The following KLHL1 variants were observed in gnomAD, a reference collection of about 807,000 sequenced individuals.
KLHL1 encodes the protein kelch like family member 1.
Under a neutral mutation model 77.7 loss-of-function variants are expected in KLHL1, and 47 were observed. The ratio of observed to expected loss-of-function variants is 0.60; its 90% CI spans 0.48 to 0.77. The LOEUF is 0.77. Among genes scored for constraint, KLHL1 ranks in the 30% least tolerant of loss-of-function variants. The probability of loss-of-function intolerance (pLI) is 0.00; values close to 1 mark genes in which losing one functional copy is unlikely to be tolerated. For missense variants in KLHL1, 925 were observed against 910.8 expected (o/e 1.02, Z -0.20); for synonymous variants, 360 against 325.2 (o/e 1.11, Z -1.15).
chr13:69,943,181 A>AT (rs1883416463), intron 3 of KLHL1, among the ~76,000 whole-genome samples: 2 of 151,956 alleles, frequency 1.3e-5, no homozygotes, highest in South Asian at 4.1e-4. Flanking sequence ...AGTGTGTCCC[A>AT]TTTTTGGTGG....
chr13:69,919,213 A>C (rs1882549817), intron 4 of KLHL1, among the ~76,000 whole-genome samples: 1 of 152,200 alleles, frequency 6.6e-6, no homozygotes, highest in Admixed American at 6.5e-5. Flanking sequence ...TATACTGAGA[A>C]GAACATTCTT....
intron 1 of KLHL1, among the ~76,000 whole-genome samples, chr13:70,037,988 A>G (rs1040193430): frequency 7.9e-5 from 12 of 152,250 alleles, no homozygotes; most frequent in East Asian, 7.7e-4. Context: ...ATTTTTCTGT[A>G]CTTTCATTCC....
chr13:69,973,594 A>T, intron 2 of KLHL1, among the ~76,000 whole-genome samples: 1 of 151,864 alleles, frequency 6.6e-6, no homozygotes, highest in East Asian at 1.9e-4. Flanking sequence ...AAAATGTATT[A>T]GTTTATTACT....
intron 3 of KLHL1, among the ~76,000 whole-genome samples, chr13:69,947,483 C>A (rs957188150): frequency 6.6e-6 from 1 of 151,670 alleles, no homozygotes; most frequent in Non-Finnish European, 1.5e-5. Context: ...AGTCTAAATT[C>A]AAACCCTTGA....
intron 1 of KLHL1, among the ~76,000 whole-genome samples, chr13:70,098,876 C>T (rs2054700176): frequency 1.3e-5 from 2 of 151,758 alleles, no homozygotes; most frequent in South Asian, 4.2e-4. Context: ...TGTGAATAAA[C>T]AACCACTAGA....
At chr13:69,844,662 A>C (rs535234162) in intron 5 of KLHL1, among the ~76,000 whole-genome samples, 1 of 151,630 alleles carries the variant, frequency 6.6e-6, no homozygotes, top group Non-Finnish European at 1.5e-5. Context: ...ATTTGATCAT[A>C]ATTTTATTAT....
intron 7 of KLHL1, among the ~76,000 whole-genome samples, chr13:69,771,187 C>T (rs1258289375): frequency 6.6e-6 from 1 of 151,832 alleles, no homozygotes; most frequent in Non-Finnish European, 1.5e-5. Flanking sequence ...GAGTTTACTA[C>T]CTCTTCCATG....
intron 6 of KLHL1, among the ~76,000 whole-genome samples, chr13:69,809,875 G>GAA (rs57005049): frequency 1.4e-5 from 2 of 141,274 alleles, no homozygotes; most frequent in Non-Finnish European, 3.1e-5. Flanking sequence ...TATGCAAATG[G>GAA]AAAAAAAAAA....
chr13:70,055,859 C>T (rs937224418), intron 1 of KLHL1, among the ~76,000 whole-genome samples: 1 of 151,702 alleles, frequency 6.6e-6, no homozygotes, highest in African/African-American at 2.4e-5. Context: ...AATCATACTA[C>T]CAGATAAAAA....
chr13:69,745,855 T>C (rs1226443468), intron 7 of KLHL1, among the ~76,000 whole-genome samples: 3 of 151,756 alleles, frequency 2.0e-5, no homozygotes, highest in Non-Finnish European at 4.4e-5. Context: ...TTCTGAATTT[T>C]CCCCCAATAT....
chr13:69,865,652 C>A (rs1274022508), intron 5 of KLHL1, among the ~76,000 whole-genome samples: 1 of 151,874 alleles, frequency 6.6e-6, no homozygotes, highest in Non-Finnish European at 1.5e-5. Context: ...AATATCGTAC[C>A]CAGAAAGTGG....
At chr13:69,800,000 A>C (rs1877304416) in intron 6 of KLHL1, among the ~76,000 whole-genome samples, 2 of 152,152 alleles carry the variant, frequency 1.3e-5, no homozygotes, top group Non-Finnish European at 2.9e-5. Flanking sequence ...TGATAACCTG[A>C]GGTGGAACAA....
intron 4 of KLHL1, among the ~76,000 whole-genome samples, chr13:69,897,744 T>C (rs973555101): frequency 1.3e-5 from 2 of 152,162 alleles, no homozygotes; most frequent in African/African-American, 2.4e-5. Context: ...ATGGTGAGTC[T>C]ACTGCTGCCA....
chr13:69,750,243 T>C (rs1453432639), intron 7 of KLHL1, among the ~76,000 whole-genome samples: 2 of 151,706 alleles, frequency 1.3e-5, no homozygotes, highest in African/African-American at 4.8e-5. Context: ...TTTGTAAAAA[T>C]CGTCATCGTG....
At chr13:70,080,760 C>T (rs1887374494) in intron 1 of KLHL1, among the ~76,000 whole-genome samples, 1 of 151,902 alleles carries the variant, frequency 6.6e-6, no homozygotes, top group Admixed American at 6.6e-5. Flanking sequence ...CCACACCAGC[C>T]TAATTTTTGA....
chr13:69,745,855 TC>T (rs1874189376), intron 7 of KLHL1, among the ~76,000 whole-genome samples: 1 of 151,756 alleles, frequency 6.6e-6, no homozygotes, highest in African/African-American at 2.4e-5. Context: ...TTCTGAATTT[TC>T]CCCCAATATC....
At chr13:69,765,748 A>G (rs1875270788) in intron 7 of KLHL1, among the ~76,000 whole-genome samples, 1 of 152,178 alleles carries the variant, frequency 6.6e-6, no homozygotes, top group Non-Finnish European at 1.5e-5. Flanking sequence ...ATGCTGTGCA[A>G]TGGATAGAAT....
At chr13:69,756,456 C>A (rs1365528026) in intron 7 of KLHL1, among the ~76,000 whole-genome samples, 3 of 152,042 alleles carry the variant, frequency 2.0e-5, no homozygotes, top group Non-Finnish European at 4.4e-5. Flanking sequence ...TAGCAATTTG[C>A]AGAAACTACT....
Position 70,006,687 on chromosome 13 carries a change from C to T in KLHL1, c.498-30885G>A, listed in dbSNP as rs1885415491. Among the ~76,000 whole-genome samples, 4 of 151,646 alleles carry T rather than the reference C, an allele frequency of 2.6e-5. No individual in the cohort carries two copies. In the South Asian group the frequency reaches 8.3e-4, roughly 31 times the overall value. ...TTGAATGTTTCTCTCATGGACATGTCGGGGTTATTACCAGTTTTAGGGAGA... is the reference window on the plus strand; with the variant it reads ...TTGAATGTTTCTCTCATGGACATGTTGGGGTTATTACCAGTTTTAGGGAGA... On this transcript the variant is annotated intron_variant, in intron 1 of 10. Coordinates refer to ENST00000377844, the MANE Select transcript of KLHL1 (RefSeq NM_020866.3).
Sources: gnomAD v4.1 joint callset for allele counts (sites outside exome capture counted in the v4.1 genomes callset) on GRCh38, gnomAD v4.1.1 for gene constraint, MANE v1.5 for transcripts, NCBI Gene and HGNC (gene_info 2026-07-23, HGNC 2026-07-21) for gene names.